The following CCDC7 variants were observed in gnomAD, a reference collection of about 807,000 sequenced individuals.
The protein encoded by CCDC7 is coiled-coil domain containing 7.
CCDC7 carries 183 observed loss-of-function variants against 196.9 expected under a neutral mutation model. The ratio of observed to expected loss-of-function variants is 0.93; its 90% CI spans 0.82 to 1.05. The LOEUF is 1.05. CCDC7 is among the 50% of genes least tolerant of loss of function. The probability of loss-of-function intolerance (pLI) is 0.00; values close to 1 mark genes in which losing one functional copy is unlikely to be tolerated. For synonymous variants in CCDC7, 525 were observed against 484.6 expected, an observed-to-expected ratio of 1.08 and a Z score of -1.10; for missense variants, 1,540 against 1,482.2, an observed-to-expected ratio of 1.04 and a Z score of -0.64.
At position 32,619,422 on chromosome 10, in the gene CCDC7, T is replaced by C. The variant is rs186293909; in HGVS notation, c.1802-14832T>C. On this transcript the variant is annotated intron_variant, in intron 18 of 41. Coordinates refer to ENST00000639629, the Ensembl canonical transcript of CCDC7. ...AATTATGATGAAAAAGGAAATAGCA[T>C]TGAAAATATAATAATGGTAGGGAGC... 8.7e-4 allele frequency among the ~76,000 whole-genome samples: 132 copies of C among 152,164 alleles called. 1 individual carries two copies. The highest frequency in any genetic ancestry group is 2.9e-3 in the African/African-American group (119 of 41,544).
intron 18 of CCDC7, among the ~76,000 whole-genome samples, chr10:32,614,299 C>T (rs1382552492): frequency 1.3e-5 from 2 of 148,758 alleles, no homozygotes; most frequent in Non-Finnish European, 3.0e-5. Context: ...CTTCCTCCAT[C>T]CCTTTATTTT....
chr10:32,704,664 G>A (rs1005563178), intron 24 of CCDC7, among the ~76,000 whole-genome samples: 2 of 152,098 alleles, frequency 1.3e-5, no homozygotes, highest in Non-Finnish European at 2.9e-5. Flanking sequence ...CACCCAGTTC[G>A]AACATCCCAG....
intron 32 of CCDC7, among the ~76,000 whole-genome samples, chr10:32,829,830 C>A (rs931811114): frequency 6.6e-6 from 1 of 151,528 alleles, no homozygotes; most frequent in Non-Finnish European, 1.5e-5. Context: ...AAAGGCAGAC[C>A]CACCCTTAAT....
intron 28 of CCDC7, among the ~76,000 whole-genome samples, chr10:32,768,150 T>A (rs949722033): frequency 4.6e-5 from 7 of 152,144 alleles, no homozygotes; most frequent in African/African-American, 1.7e-4. Context: ...AAGTATGTAT[T>A]TAGTACTTGT....
At chr10:32,493,243 A>G (rs888529996) in intron 9 of CCDC7, among the ~76,000 whole-genome samples, 3 of 152,006 alleles carry the variant, frequency 2.0e-5, no homozygotes, top group Non-Finnish European at 1.5e-5. Context: ...GGTTCTACAT[A>G]TAAGTGAGAT....
At chr10:32,520,301 T>C (rs2135570998) in intron 11 of CCDC7, among the ~76,000 whole-genome samples, 1 of 152,256 alleles carries the variant, frequency 6.6e-6, no homozygotes, top group South Asian at 2.1e-4. Context: ...CAAACTATTT[T>C]CCATAGTGGT....
chr10:32,760,095 A>G (rs1253330594), intron 28 of CCDC7, among the ~76,000 whole-genome samples: 1 of 152,164 alleles, frequency 6.6e-6, no homozygotes, highest in Non-Finnish European at 1.5e-5. Flanking sequence ...TCAGCAAACA[A>G]CAGGTGCTAG....
intron 18 of CCDC7, among the ~76,000 whole-genome samples, chr10:32,608,479 A>G (rs1306931579): frequency 2.6e-5 from 4 of 151,872 alleles, no homozygotes; most frequent in Non-Finnish European, 5.9e-5. Flanking sequence ...TACATTCCAT[A>G]GTTTTAATGT....
intron 9 of CCDC7, among the ~76,000 whole-genome samples, chr10:32,501,723 G>T (rs2044070685): frequency 6.6e-6 from 1 of 152,204 alleles, no homozygotes; most frequent in Non-Finnish European, 1.5e-5. Context: ...CTTCATCTCA[G>T]AGGGGCACCA....
At chr10:32,527,627 A>G (rs966162737) in intron 11 of CCDC7, among the ~76,000 whole-genome samples, 2 of 152,204 alleles carry the variant, frequency 1.3e-5, no homozygotes, top group Admixed American at 6.5e-5. Context: ...AATGTAGTCA[A>G]TGAATGACTT....
chr10:32,687,264 G>A (rs1265220364), intron 22 of CCDC7, among the ~76,000 whole-genome samples: 2 of 152,154 alleles, frequency 1.3e-5, no homozygotes, highest in African/African-American at 4.8e-5. Flanking sequence ...GAGCAATAAG[G>A]GCAGTGATTT....
chr10:32,777,307 G>A (rs1355618276), intron 28 of CCDC7, among the ~76,000 whole-genome samples: 3 of 152,140 alleles, frequency 2.0e-5, no homozygotes, highest in African/African-American at 7.2e-5. Context: ...TTGATTCTGT[G>A]TCTTTGCTAT....
intron 16 of CCDC7, among the ~76,000 whole-genome samples, chr10:32,577,712 T>C (rs567890397): frequency 1.3e-5 from 2 of 152,346 alleles, no homozygotes; most frequent in East Asian, 3.9e-4. Flanking sequence ...CAGAGGGATC[T>C]CTGTGCCTGT....
At chr10:32,647,484 C>T (rs567091448) in intron 20 of CCDC7, among the ~76,000 whole-genome samples, 1 of 7,008 alleles carries the variant, frequency 1.4e-4, no homozygotes, top group Non-Finnish European at 6.8e-4. Flanking sequence ...TTCTCCACAG[C>T]CTTACCAGCA....
Position 32,853,386 on chromosome 10 carries a change from T to C in CCDC7, c.4022-1014T>C, listed in dbSNP as rs536488100. ...TATTTTAAAATTTTTCACGAAAGCA[T>C]TTGGCCTTTGAATCTAAAAATAATG... On this transcript the variant is annotated intron_variant, in intron 40 of 41. Coordinates refer to ENST00000639629, the Ensembl canonical transcript of CCDC7. 3.3e-4 allele frequency among the ~76,000 whole-genome samples: 50 copies of C among 152,262 alleles called. No individual in the cohort carries two copies. In the South Asian group the frequency reaches 4.4e-3, roughly 13 times the overall value.
chr10:32,775,728 C>G (rs1229612120), intron 28 of CCDC7, among the ~76,000 whole-genome samples: 11 of 152,108 alleles, frequency 7.2e-5, no homozygotes, highest in Admixed American at 6.6e-4. Flanking sequence ...TTTTGTAGTA[C>G]TAGCTGAAGA....
intron 40 of CCDC7, among the ~76,000 whole-genome samples, chr10:32,853,843 AT>A (rs1188782790): frequency 1.3e-5 from 2 of 152,204 alleles, no homozygotes; most frequent in East Asian, 3.9e-4. Flanking sequence ...ATTCTCTGAC[AT>A]TTTTATCTAT....
At chr10:32,496,171 C>T (rs1487157658) in intron 9 of CCDC7, among the ~76,000 whole-genome samples, 2 of 152,026 alleles carry the variant, frequency 1.3e-5, no homozygotes, top group East Asian at 3.8e-4. Context: ...TGGGAGTTCA[C>T]TCATGATTTG....
chr10:32,639,430 T>G (rs895758600), intron 20 of CCDC7, among the ~76,000 whole-genome samples: 25 of 152,212 alleles, frequency 1.6e-4, no homozygotes, highest in African/African-American at 5.8e-4. Flanking sequence ...TCTGGTATGT[T>G]GTGTCTTTGT....
Sources: gnomAD v4.1 joint callset for allele counts (sites outside exome capture counted in the v4.1 genomes callset) on GRCh38, gnomAD v4.1.1 for gene constraint, MANE v1.5 for transcripts, NCBI Gene and HGNC (gene_info 2026-07-23, HGNC 2026-07-21) for gene names.